The following KANTR variants were observed in gnomAD, a reference collection of about 807,000 sequenced individuals.
KANTR encodes the protein KDM5C adjacent transcript.
At chrX:53,102,990 T>G (rs1054959061) in intron 2 of KANTR, among the ~76,000 whole-genome samples, 3,956 of 104,235 alleles carry the variant, frequency 0.038, 95 homozygotes, top group Non-Finnish European at 0.064. Context: ...GTTTGTTTTT[T>G]TTTTTTTTTT....
intron 1 of KANTR, among the ~76,000 whole-genome samples, chrX:53,096,898 G>A (rs1206086143): frequency 1.8e-5 from 2 of 109,416 alleles, no homozygotes; most frequent in African/African-American, 3.3e-5. Flanking sequence ...GGAGGCCGAG[G>A]TGGGTGGATC....
chrX:53,122,380 C>T (rs1933237627), intron 2 of KANTR, among the ~76,000 whole-genome samples: 1 of 112,131 alleles, frequency 8.9e-6, no homozygotes, highest in Non-Finnish European at 1.9e-5. Context: ...TGGTGACAAC[C>T]ATATCAGCTA....
chrX:53,113,174 G>C (rs782515674), intron 2 of KANTR: 2 of 241,280 alleles, frequency 8.3e-6, no homozygotes, highest in African/African-American at 5.9e-5. Flanking sequence ...GTGGCTGTAG[G>C]GGAAGATTGA....
downstream of KANTR, among the ~76,000 whole-genome samples, chrX:53,144,724 T>C (rs1003318927): frequency 2.7e-5 from 3 of 111,869 alleles, no homozygotes; most frequent in Non-Finnish European, 5.6e-5. Context: ...TTTTAGACTT[T>C]TTATTAACCA....
downstream of KANTR, among the ~76,000 whole-genome samples, chrX:53,146,336 T>C (rs1163929103): frequency 1.8e-5 from 2 of 111,697 alleles, no homozygotes; most frequent in Non-Finnish European, 3.8e-5. Context: ...ACAAGAACTA[T>C]CTGATGAATG....
At chrX:53,139,065 C>A (rs1204644953) in intron 2 of KANTR, among the ~76,000 whole-genome samples, 1 of 108,208 alleles carries the variant, frequency 9.2e-6, no homozygotes, top group Non-Finnish European at 1.9e-5. Flanking sequence ...ACTAAAAATA[C>A]AAAAAATTAG....
intron 1 of KANTR, among the ~76,000 whole-genome samples, chrX:53,098,880 C>T (rs950537915): frequency 1.5e-4 from 17 of 110,876 alleles, no homozygotes; most frequent in Non-Finnish European, 2.8e-4. Context: ...TGCATGCCAC[C>T]ACGCCCAGCC....
intron 2 of KANTR, among the ~76,000 whole-genome samples, chrX:53,119,231 G>C (rs1228419231): frequency 9.2e-6 from 1 of 109,160 alleles, no homozygotes. Flanking sequence ...CTGGCTAATT[G>C]TTATTTTTTA....
downstream of KANTR, among the ~76,000 whole-genome samples, chrX:53,146,506 C>T (rs1268227801): frequency 1.3e-4 from 14 of 111,928 alleles, no homozygotes; most frequent in African/African-American, 2.9e-4. Context: ...ACCAAATCTA[C>T]GTCTGATTGG....
chrX:53,143,935 G>A (rs1556818893), downstream of KANTR: 4 of 333,361 alleles, frequency 1.2e-5, no homozygotes, highest in Non-Finnish European at 2.2e-5. Flanking sequence ...GAAGAGCAGG[G>A]CGGTGGAGCC....
intron 2 of KANTR, among the ~76,000 whole-genome samples, chrX:53,137,797 C>T (rs1280064985): frequency 4.5e-5 from 5 of 110,607 alleles, no homozygotes; most frequent in Admixed American, 3.9e-4. Context: ...CTGTTTTTCC[C>T]TAGTTATTGC....
chrX:53,129,652 G>A (rs1189574558), downstream of KANTR, among the ~76,000 whole-genome samples: 1 of 109,234 alleles, frequency 9.2e-6, no homozygotes, highest in Non-Finnish European at 1.9e-5. Context: ...AATTTTTTTC[G>A]TAGGTGTTCT....
chrX:53,106,007 G>A (rs1299512231), intron 2 of KANTR, among the ~76,000 whole-genome samples: 1 of 105,035 alleles, frequency 9.5e-6, no homozygotes, highest in Non-Finnish European at 1.9e-5. Flanking sequence ...ACAGGCGCCC[G>A]CCACCATGCC....
At chrX:53,143,776 C>T (rs1373239628), downstream of KANTR, 2 of 531,096 alleles carry the variant, frequency 3.8e-6, no homozygotes, top group East Asian at 3.6e-5. Context: ...CTGGCCCATG[C>T]CCACCATCAC....
At chrX:53,114,529 C>CA (rs1556814292) in intron 2 of KANTR, among the ~76,000 whole-genome samples, 2 of 112,587 alleles carry the variant, frequency 1.8e-5, no homozygotes, top group Admixed American at 9.4e-5. Context: ...CTGGAGTCCT[C>CA]AGGCAGGCTG....
chrX:53,100,400 A>G (rs782530581), intron 2 of KANTR, among the ~76,000 whole-genome samples: 1 of 110,941 alleles, frequency 9.0e-6, no homozygotes, highest in East Asian at 2.8e-4. Context: ...GAATCACTTG[A>G]ACCTGGGAGG....
exon 3 of KANTR, chrX:53,125,207 A>C (rs1933278855): frequency 9.0e-6 from 1 of 111,618 alleles, no homozygotes; most frequent in Admixed American, 9.6e-5. Flanking sequence ...TCTTATATTA[A>C]TGTAGTAACA....
At chrX:53,101,951 G>T (rs1341601691) in intron 2 of KANTR, among the ~76,000 whole-genome samples, 3 of 106,014 alleles carry the variant, frequency 2.8e-5, no homozygotes, top group Non-Finnish European at 5.8e-5. Context: ...AGTGAGCTGA[G>T]ATCACGCCAC....
At chrX:53,136,695 T>C (rs1220370007) in intron 2 of KANTR, among the ~76,000 whole-genome samples, 2 of 12,128 alleles carry the variant, frequency 1.6e-4, no homozygotes, top group Non-Finnish European at 1.6e-4. Context: ...ACGCCCGGCA[T>C]ATATATATAT....
Sources: allele counts gnomAD v4.1 joint callset (sites outside exome capture counted in the v4.1 genomes callset), GRCh38; gene constraint gnomAD v4.1.1; transcripts MANE v1.5; gene names NCBI Gene and HGNC (gene_info 2026-07-23, HGNC 2026-07-21).